The following EXOC6B variants were observed in gnomAD, a reference collection of about 807,000 sequenced individuals.
EXOC6B encodes SEC15 homolog B.
Under a neutral mutation model 113.5 loss-of-function variants are expected in EXOC6B, and 54 were observed. The observed-to-expected ratio is 0.48, with a 90% confidence interval of 0.38 to 0.60. The LOEUF (loss-of-function observed/expected upper bound fraction) is 0.60, where lower values mean the gene tolerates loss of function less well. Ranked by LOEUF, EXOC6B falls within the 20% of genes least tolerant of loss-of-function variation. EXOC6B has a pLI of 0.00. For synonymous variants in EXOC6B, 357 were observed against 339.0 expected, an observed-to-expected ratio of 1.05 and a Z score of -0.58; for missense variants, 797 against 977.5, an observed-to-expected ratio of 0.82 and a Z score of 2.46.
At chr2:72,683,052 CACAG>C (rs1428282718) in intron 6 of EXOC6B, among the ~76,000 whole-genome samples, 1 of 152,160 alleles carries the variant, frequency 6.6e-6, no homozygotes, top group African/African-American at 2.4e-5. Flanking sequence ...TACCCAGGTA[CACAG>C]ACAAAGGAAC....
intron 20 of EXOC6B, among the ~76,000 whole-genome samples, chr2:72,192,074 G>A (rs1439623870): frequency 6.6e-6 from 1 of 152,144 alleles, no homozygotes; most frequent in African/African-American, 2.4e-5. Context: ...ATTCATGAGT[G>A]AAGAGAATTG....
At chr2:72,805,847 T>A (rs192151786) in intron 1 of EXOC6B, among the ~76,000 whole-genome samples, 1 of 152,266 alleles carries the variant, frequency 6.6e-6, no homozygotes, top group African/African-American at 2.4e-5. Context: ...GAGTTAAATT[T>A]TTTTCAATTC....
At chr2:72,785,018 C>T (rs955308782) in intron 1 of EXOC6B, among the ~76,000 whole-genome samples, 1 of 152,160 alleles carries the variant, frequency 6.6e-6, no homozygotes, top group African/African-American at 2.4e-5. Flanking sequence ...TAAATGCAGC[C>T]ATTCCAAATG....
chr2:72,777,454 A>G (rs1401447206), intron 1 of EXOC6B, among the ~76,000 whole-genome samples: 1 of 152,030 alleles, frequency 6.6e-6, no homozygotes, highest in Admixed American at 6.5e-5. Flanking sequence ...CATTGAGCAA[A>G]AATTCATTAC....
chr2:72,782,328 A>G (rs1266663354), intron 1 of EXOC6B, among the ~76,000 whole-genome samples: 2 of 152,044 alleles, frequency 1.3e-5, no homozygotes, highest in African/African-American at 4.8e-5. Flanking sequence ...ACCATCTCCA[A>G]GGATTCTGCA....
chr2:72,679,443 A>T (rs1385763499), intron 6 of EXOC6B, among the ~76,000 whole-genome samples: 7 of 152,234 alleles, frequency 4.6e-5, no homozygotes, highest in Admixed American at 4.6e-4. Flanking sequence ...GGAACCCCTG[A>T]TTAAAACAAA....
At chr2:72,722,934 A>T (rs1243344318) in intron 5 of EXOC6B, among the ~76,000 whole-genome samples, 1 of 152,208 alleles carries the variant, frequency 6.6e-6, no homozygotes, top group Admixed American at 6.5e-5. Flanking sequence ...TTCAAGGCTA[A>T]TTAGTACAAA....
At chr2:72,535,108 T>TC (rs1332659255) in intron 8 of EXOC6B, among the ~76,000 whole-genome samples, 3 of 152,180 alleles carry the variant, frequency 2.0e-5, no homozygotes, top group Admixed American at 1.3e-4. Context: ...CATATACATC[T>TC]CTTTGCCTAT....
At chr2:72,602,976 T>TA (rs1265634600) in intron 6 of EXOC6B, among the ~76,000 whole-genome samples, 6 of 150,620 alleles carry the variant, frequency 4.0e-5, no homozygotes, top group Admixed American at 2.0e-4. Context: ...CTCTCCCCCA[T>TA]AAAAAATAAG....
intron 6 of EXOC6B, among the ~76,000 whole-genome samples, chr2:72,627,217 A>G (rs1023648170): frequency 3.3e-5 from 5 of 152,228 alleles, no homozygotes; most frequent in Admixed American, 6.5e-5. Flanking sequence ...GCTATTCTGC[A>G]TGCAAAATTT....
At chr2:72,806,373 G>T (rs1029612898) in intron 1 of EXOC6B, among the ~76,000 whole-genome samples, 1 of 152,196 alleles carries the variant, frequency 6.6e-6, no homozygotes, top group Admixed American at 6.5e-5. Context: ...TCATTTTTAT[G>T]GCTGTACAGT....
chr2:72,222,912 G>C (rs775310576), intron 20 of EXOC6B, among the ~76,000 whole-genome samples: 4 of 152,292 alleles, frequency 2.6e-5, no homozygotes, highest in Middle Eastern at 6.8e-3. Context: ...AGGCACTGAG[G>C]AGGTACTTTT....
chr2:72,730,130 T>C (rs113220318), intron 5 of EXOC6B, among the ~76,000 whole-genome samples: 3 of 152,280 alleles, frequency 2.0e-5, no homozygotes, highest in Admixed American at 6.5e-5. Context: ...GATTTTCCTT[T>C]AGAAGAAAAC....
intron 6 of EXOC6B, among the ~76,000 whole-genome samples, chr2:72,588,848 A>C (rs1276811420): frequency 6.6e-6 from 1 of 152,046 alleles, no homozygotes; most frequent in African/African-American, 2.4e-5. Flanking sequence ...ATTTGTGTGA[A>C]GCAATAATGA....
At chr2:72,546,586 G>C (rs1034921959) in intron 8 of EXOC6B, among the ~76,000 whole-genome samples, 1 of 152,162 alleles carries the variant, frequency 6.6e-6, no homozygotes, top group African/African-American at 2.4e-5. Context: ...CAATTACTAT[G>C]CTCAGGGAGA....
intron 6 of EXOC6B, among the ~76,000 whole-genome samples, chr2:72,645,440 C>G (rs13022454): frequency 6.6e-6 from 1 of 152,120 alleles, no homozygotes; most frequent in Admixed American, 6.6e-5. Context: ...CCAAGCAGAC[C>G]TAATAGACAC....
intron 1 of EXOC6B, among the ~76,000 whole-genome samples, chr2:72,794,426 A>G (rs868452773): frequency 5.9e-5 from 9 of 152,204 alleles, no homozygotes; most frequent in African/African-American, 2.2e-4. Flanking sequence ...GATTTGGTGA[A>G]TATTACCCAG....
intron 8 of EXOC6B, among the ~76,000 whole-genome samples, chr2:72,539,661 A>G (rs937852446): frequency 4.6e-5 from 7 of 151,872 alleles, no homozygotes; most frequent in Non-Finnish European, 1.0e-4. Context: ...TCTCTTTTTT[A>G]TAGGTATCTT....
At chr2:72,823,878 C>T (rs1011952866) in intron 1 of EXOC6B, among the ~76,000 whole-genome samples, 1 of 151,988 alleles carries the variant, frequency 6.6e-6, no homozygotes, top group African/African-American at 2.4e-5. Flanking sequence ...CATATATTTA[C>T]ATGGTATTTA....
Sources: gnomAD v4.1 joint callset for allele counts (sites outside exome capture counted in the v4.1 genomes callset) on GRCh38, gnomAD v4.1.1 for gene constraint, MANE v1.5 for transcripts, NCBI Gene and HGNC (gene_info 2026-07-23, HGNC 2026-07-21) for gene names.